LMAN1L: variants seen among roughly 807,000 people sequenced by gnomAD.
The protein encoded by LMAN1L is protein ERGIC-53-like.
In LMAN1L, 60 loss-of-function variants were observed where a neutral mutation model predicts 58.3. The ratio of observed to expected loss-of-function variants is 1.03; its 90% CI spans 0.84 to 1.27. The LOEUF is 1.27. LMAN1L is among the 50% of genes most tolerant of loss of function. The pLI is 0.00. For synonymous variants in LMAN1L, 280 were observed against 271.6 expected (o/e 1.03, Z -0.31); for missense variants, 629 against 674.0 (o/e 0.93, Z 0.74).
intron 10 of LMAN1L, 39 bp downstream of exon 10, chr15:74,821,939 C>CTCT: frequency 7.1e-7 from 1 of 1,414,166 alleles, no homozygotes; most frequent in Non-Finnish European, 1.0e-6. Context: ...AGCACTGGCC[C>CTCT]CAGCTTGGCT....
intron 6 of LMAN1L, chr15:74,819,720 C>T (rs763457777): frequency 4.2e-4 from 211 of 507,114 alleles, no homozygotes; most frequent in Non-Finnish European, 7.4e-4. Context: ...TGTGCAGTTG[C>T]TACTACCAGT....
chr15:74,824,590 T>C, intron 13 of LMAN1L, 112 bp downstream of exon 13: 1 of 1,267,436 alleles, frequency 7.9e-7, no homozygotes, highest in Non-Finnish European at 1.1e-6. Flanking sequence ...ACCTGCCGAG[T>C]CCCCAAATCA....
At chr15:74,817,736 G>C (rs2063898203) in intron 4 of LMAN1L, among the ~76,000 whole-genome samples, 1 of 152,224 alleles carries the variant, frequency 6.6e-6, no homozygotes, top group Admixed American at 6.5e-5. Flanking sequence ...GAGAGGCCAG[G>C]CACAGTGGCT....
chr15:74,820,826 C>T, intron 8 of LMAN1L, 59 bp downstream of exon 8: 1 of 1,564,184 alleles, frequency 6.4e-7, no homozygotes, highest in Non-Finnish European at 8.7e-7. Flanking sequence ...ATCCTCCACC[C>T]TTATGACCAG....
intron 4 of LMAN1L, among the ~76,000 whole-genome samples, chr15:74,817,386 A>G (rs1418174338): frequency 6.6e-6 from 1 of 152,182 alleles, no homozygotes; most frequent in Non-Finnish European, 1.5e-5. Flanking sequence ...GGCTTGCCCA[A>G]GGTCACATAG....
Position 74,823,844 on chromosome 15 carries a change from C to A in LMAN1L, c.1323+162C>A, listed in dbSNP as rs573511093. On this transcript the variant is annotated intron_variant, in intron 12 of 13. Transcript: ENST00000309664. ...GTGCCTGCGTCAGTGTCTGTGTGTC[C>A]GTGCATACGTGCCACCACACATCTC... The A allele has an allele frequency of 5.8e-6, 4 of 683,856 alleles. No homozygotes were observed. The African/African-American group carries it at 7.2e-5, about 12-fold the overall frequency. The allele number at this position is 683,856 out of a possible 1,614,324, so 42.4% of individuals were successfully genotyped here.
At chr15:74,815,264 C>A (rs1182719665) in intron 1 of LMAN1L, among the ~76,000 whole-genome samples, 2 of 152,202 alleles carry the variant, frequency 1.3e-5, no homozygotes, top group African/African-American at 4.8e-5. Context: ...TCCCTACCCC[C>A]ATCCCTGGCC....
intron 9 of LMAN1L, 134 bp from the exon 10 acceptor site, chr15:74,821,695 T>C (rs2063917540): frequency 1.5e-6 from 1 of 647,012 alleles, no homozygotes; most frequent in South Asian, 2.0e-5. Flanking sequence ...CCAGCAGCTC[T>C]TGTGGGCTTT....
Position 74,824,372 on chromosome 15 carries a change from CGCCCACCTG to C in LMAN1L, c.1349_1357del (p.Pro450_Gly452del). 6.2e-7 allele frequency: 1 copy of C among 1,613,912 alleles called. No individual in the cohort carries two copies. The highest frequency in any genetic ancestry group is 8.5e-7 in the Non-Finnish European group (1 of 1,179,838). ...TCAGAAGGCAGCAGCCAAGGCCCCC[CGCCCACCTG>C]GCCAGCCCCCAAGGGCCTCCTCGTG... On this transcript the variant is annotated inframe_deletion, in exon 13 of 14. Coordinates refer to ENST00000309664, the MANE Select transcript of LMAN1L (RefSeq NM_021819.3).
chr15:74,822,962 C>T (rs2063923889), intron 11 of LMAN1L, among the ~76,000 whole-genome samples: 1 of 152,230 alleles, frequency 6.6e-6, no homozygotes. Context: ...GACACTCCCA[C>T]CCTCAGGAGG....
intron 11 of LMAN1L, 108 bp downstream of exon 11, chr15:74,822,817 G>A (rs2063923402): frequency 1.3e-6 from 1 of 790,910 alleles, no homozygotes; most frequent in Admixed American, 2.2e-5. Flanking sequence ...CACACAGCCT[G>A]TCAATTGGAA....
chr15:74,819,029 C>A, intron 5 of LMAN1L, 123 bp from the exon 6 acceptor site: 4 of 1,209,982 alleles, frequency 3.3e-6, no homozygotes, highest in Non-Finnish European at 4.7e-6. Flanking sequence ...ACCAGGAGTG[C>A]GGGTCACCTC....
chr15:74,814,652 C>CAT (rs1555466799), intron 1 of LMAN1L, among the ~76,000 whole-genome samples: 1 of 151,908 alleles, frequency 6.6e-6, no homozygotes, highest in Non-Finnish European at 1.5e-5. Context: ...GGATTACAGG[C>CAT]GAGCCACCGC....
intron 13 of LMAN1L, 50 bp from the exon 14 acceptor site, chr15:74,825,426 G>A: frequency 6.4e-7 from 1 of 1,567,616 alleles, no homozygotes; most frequent in South Asian, 1.1e-5. Context: ...TTTTTCAAAA[G>A]CCCATAAAGG....
rs779765165 is a variant in LMAN1L, at chr15:74,821,831, C to T, written c.1062C>T (p.Ala354=). The change falls in exon 10 of 14, where the codon GCC becomes GCT. Residue 354 remains alanine (A), a splice_region_variant and synonymous_variant. Transcript: ENST00000309664. Reference sequence around the variant, plus strand: ...AGCCTCTCTGATCCTATCCCCAGGCCCTGGATGCTTCCTGCCAGATTCCAT... The same window carrying T: ...AGCCTCTCTGATCCTATCCCCAGGCTCTGGATGCTTCCTGCCAGATTCCAT... ...PGQARPDGGW[A]LDASCQIPST... is the part of the protein sequence containing the mutation. 3.5e-5 allele frequency: 56 copies of T among 1,611,058 alleles called. No homozygotes were observed. The highest frequency in any genetic ancestry group is 5.0e-5 in the Admixed American group (3 of 59,930).
At chr15:74,822,350 G>C (rs1255329349) in intron 10 of LMAN1L, among the ~76,000 whole-genome samples, 1 of 152,176 alleles carries the variant, frequency 6.6e-6, no homozygotes, top group Non-Finnish European at 1.5e-5. Flanking sequence ...TGGCCGCAGA[G>C]CAAGACTCCA....
In LMAN1L at chr15:74,820,051, T is replaced by C; in HGVS notation, c.726T>C (p.His242=). ...TCATCTGTCCCCTTCCAGATGATCA[T>C]GATGTCCTGTCCTTCCTGACCTTCA... ...SAATGTLADD[H]DVLSFLTFSL... Residue 242 remains histidine, a synonymous_variant, in exon 7 of 14, where the codon CAT becomes CAC. Coordinates refer to ENST00000309664, the MANE Select transcript of LMAN1L (RefSeq NM_021819.3). 6.2e-7 allele frequency: 1 copy of C among 1,614,082 alleles called. No homozygotes were observed. The highest frequency in any genetic ancestry group is 8.5e-7 in the Non-Finnish European group (1 of 1,179,932).
In LMAN1L at chr15:74,821,101, A is replaced by T. The variant is rs2063914471; in HGVS notation, c.934A>T (p.Thr312Ser). Residue 312 changes from threonine (T) to serine (S), a missense_variant, in exon 9 of 14, where the codon ACG becomes TCG. Coordinates refer to ENST00000309664, the MANE Select transcript of LMAN1L (RefSeq NM_021819.3). The stretch of plus-strand genomic sequence containing the variant: ...GGAAAGGCTCTTTGACCTGGAGGAG[A>T]CGCTGGGCAGACACCGCCGGATCCT... ...EGERLFDLEE[T>S]LGRHRRILQA... is the part of the protein sequence containing the mutation. 6.4e-7 allele frequency: 1 copy of T among 1,574,378 alleles called. No individual in the cohort carries two copies. The highest frequency in any genetic ancestry group is 8.6e-7 in the Non-Finnish European group (1 of 1,160,192).
At chr15:74,814,761 G>A (rs892989165) in intron 1 of LMAN1L, among the ~76,000 whole-genome samples, 6 of 151,918 alleles carry the variant, frequency 3.9e-5, no homozygotes, top group African/African-American at 1.2e-4. Flanking sequence ...CGCCTGCCTC[G>A]GCTTCCCAAA....
Sources: gnomAD v4.1 joint callset for allele counts (sites outside exome capture counted in the v4.1 genomes callset) on GRCh38, gnomAD v4.1.1 for gene constraint, MANE v1.5 for transcripts, NCBI Gene and HGNC (gene_info 2026-07-23, HGNC 2026-07-21) for gene names.